The following ESYT2 variants were observed in gnomAD, a reference collection of about 807,000 sequenced individuals.
The protein encoded by ESYT2 is extended synaptotagmin 2, also known as extended synaptotagmin-2.
In ESYT2, 54 loss-of-function variants were observed where a neutral mutation model predicts 107.2. The ratio of observed to expected loss-of-function variants is 0.50; its 90% CI spans 0.40 to 0.63. The LOEUF is 0.63. ESYT2 is among the 30% of genes least tolerant of loss of function. The probability of loss-of-function intolerance (pLI) is 0.00; values close to 1 mark genes in which losing one functional copy is unlikely to be tolerated. For missense variants in ESYT2, 1,020 were observed against 1,094.5 expected (o/e 0.93, Z 0.96); for synonymous variants, 491 against 434.1 (o/e 1.13, Z -1.63).
At chr7:158,749,799 T>C in intron 14 of ESYT2, 76 bp from the exon 15 acceptor site, 1 of 1,321,398 alleles carries the variant, frequency 7.6e-7, no homozygotes, top group Non-Finnish European at 1.1e-6. Context: ...ATGAAATTAC[T>C]GGCTTATATT....
intron 7 of ESYT2, among the ~76,000 whole-genome samples, chr7:158,772,761 C>T (rs573032459): frequency 1.3e-5 from 2 of 151,946 alleles, no homozygotes; most frequent in South Asian, 2.1e-4. Flanking sequence ...TAGATCACTA[C>T]GGAATAATGA....
At chr7:158,800,650 CCT>C (rs1424924269) in intron 1 of ESYT2, among the ~76,000 whole-genome samples, 13 of 152,134 alleles carry the variant, frequency 8.5e-5, no homozygotes, top group East Asian at 5.8e-4. Context: ...TCAGCCTCCC[CCT>C]GTGTTGGAAT....
At chr7:158,789,977 C>A (rs2129473294) in intron 4 of ESYT2, among the ~76,000 whole-genome samples, 1 of 152,330 alleles carries the variant, frequency 6.6e-6, no homozygotes, top group South Asian at 2.1e-4. Context: ...GGACACTGGA[C>A]AACAGCACAA....
Position 158,753,703 on chromosome 7 carries a change from A to C in ESYT2, c.1420-860T>G, listed in dbSNP as rs1370775014. On this transcript the variant is annotated intron_variant, in intron 13 of 22. Transcript: ENST00000275418. ...GACTGGCAGGCTGGGCCAGGAGAGA[A>C]GATGGAACATGCGGCCAGGCAGGAA... is the stretch of plus-strand genomic sequence containing the variant. Among the ~76,000 whole-genome samples the C allele has an allele frequency of 2.0e-5, 3 of 151,306 alleles. No individual in the cohort carries two copies. The East Asian group carries it at 5.8e-4, about 29-fold the overall frequency.
At chr7:158,808,337 G>A (rs1839894914) in intron 1 of ESYT2, among the ~76,000 whole-genome samples, 1 of 152,258 alleles carries the variant, frequency 6.6e-6, no homozygotes, top group Non-Finnish European at 1.5e-5. Context: ...CGCCGAGCAT[G>A]CTCCCGCCCA....
At chr7:158,752,090 T>C (rs184154922) in intron 14 of ESYT2, among the ~76,000 whole-genome samples, 16 of 152,316 alleles carry the variant, frequency 1.1e-4, no homozygotes, top group East Asian at 7.7e-4. Context: ...TTAGAATAGA[T>C]AGAATTTTCT....
At chr7:158,741,047 A>C (rs1221273925) in intron 18 of ESYT2, among the ~76,000 whole-genome samples, 1 of 152,190 alleles carries the variant, frequency 6.6e-6, no homozygotes, top group African/African-American at 2.4e-5. Flanking sequence ...ATGGGGCTTA[A>C]ATAAGGAGCC....
intron 3 of ESYT2, 35 bp from the exon 4 acceptor site, chr7:158,793,761 G>A (rs1295174209): frequency 2.0e-6 from 3 of 1,526,628 alleles, no homozygotes; most frequent in East Asian, 2.3e-5. Context: ...AAGATACAGA[G>A]GTTAAAAAAA....
intron 13 of ESYT2, among the ~76,000 whole-genome samples, chr7:158,754,195 T>C (rs946792695): frequency 6.7e-6 from 1 of 149,682 alleles, no homozygotes; most frequent in African/African-American, 2.6e-5. Flanking sequence ...GTTTTTTGTT[T>C]TGTTTTTATT....
chr7:158,738,397 C>T (rs1438934971), intron 19 of ESYT2, among the ~76,000 whole-genome samples: 1 of 149,140 alleles, frequency 6.7e-6, no homozygotes, highest in Non-Finnish European at 1.5e-5. Context: ...CTCTAGGCTA[C>T]ACATTTGTAC....
At chr7:158,822,115 G>T (rs952479653) in intron 1 of ESYT2, among the ~76,000 whole-genome samples, 1 of 152,144 alleles carries the variant, frequency 6.6e-6, no homozygotes, top group Non-Finnish European at 1.5e-5. Flanking sequence ...ATCTCTAAAT[G>T]AAGAAATAAA....
intron 10 of ESYT2, 129 bp downstream of exon 10, chr7:158,762,954 G>T: frequency 1.8e-6 from 1 of 563,950 alleles, no homozygotes; most frequent in Non-Finnish European, 3.0e-6. Flanking sequence ...TGAAACAATT[G>T]TTATATCTAA....
intron 8 of ESYT2, among the ~76,000 whole-genome samples, chr7:158,766,007 G>C (rs886732557): frequency 6.6e-6 from 1 of 151,982 alleles, no homozygotes; most frequent in African/African-American, 2.4e-5. Flanking sequence ...AGACCATCCT[G>C]GCTAACACAG....
At chr7:158,791,346 C>T (rs1351968435) in intron 4 of ESYT2, among the ~76,000 whole-genome samples, 1 of 152,248 alleles carries the variant, frequency 6.6e-6, no homozygotes, top group Non-Finnish European at 1.5e-5. Flanking sequence ...CCTTGGGCTG[C>T]TTCCGCCTTG....
At chr7:158,737,305 C>G (rs533387727) in intron 19 of ESYT2, 126 bp from the exon 20 acceptor site, 1 of 1,282,466 alleles carries the variant, frequency 7.8e-7, no homozygotes, top group East Asian at 2.7e-5. Flanking sequence ...CAACAAGGAA[C>G]AGAATGCGTG....
intron 1 of ESYT2, among the ~76,000 whole-genome samples, chr7:158,807,254 G>GCA (rs1554425134): frequency 8.5e-6 from 1 of 117,236 alleles, no homozygotes; most frequent in Non-Finnish European, 1.7e-5. Flanking sequence ...CCGTCTGAAG[G>GCA]AAAAAAAAAA....
intron 4 of ESYT2, among the ~76,000 whole-genome samples, chr7:158,789,646 C>T (rs1383181189): frequency 3.9e-5 from 6 of 152,194 alleles, no homozygotes; most frequent in Non-Finnish European, 5.9e-5. Flanking sequence ...CATGAGCCAC[C>T]GCACCTGGCC....
chr7:158,804,420 A>C (rs113177173), intron 1 of ESYT2, among the ~76,000 whole-genome samples: 12 of 121,152 alleles, frequency 9.9e-5, no homozygotes, highest in Non-Finnish European at 1.9e-4. Context: ...AAAGTGAGGC[A>C]CGTGACAAAC....
At chr7:158,760,253 A>T in intron 11 of ESYT2, 106 bp from the exon 12 acceptor site, 1 of 965,558 alleles carries the variant, frequency 1.0e-6, no homozygotes, top group Non-Finnish European at 1.6e-6. Flanking sequence ...ACCACGAGGC[A>T]TCAACAGTTC....
Sources: allele counts gnomAD v4.1 joint callset (sites outside exome capture counted in the v4.1 genomes callset), GRCh38; gene constraint gnomAD v4.1.1; transcripts MANE v1.5; gene names NCBI Gene and HGNC (gene_info 2026-07-23, HGNC 2026-07-21).